Variants in P4HA2 observed in about 807,000 individuals in gnomAD.
The protein encoded by P4HA2 is prolyl 4-hydroxylase subunit alpha 2, also known as prolyl 4-hydroxylase subunit alpha-2.
P4HA2 carries 46 observed loss-of-function variants against 76.9 expected under a neutral mutation model. That is an observed-to-expected ratio of 0.60 (90% CI 0.47 to 0.76). The LOEUF (loss-of-function observed/expected upper bound fraction) is 0.76, where lower values mean the gene tolerates loss of function less well. P4HA2 is among the 30% of genes least tolerant of loss of function. The probability of loss-of-function intolerance (pLI) is 0.00; values close to 1 mark genes in which losing one functional copy is unlikely to be tolerated. For synonymous variants in P4HA2, 243 were observed against 254.0 expected (o/e 0.96, Z 0.41); for missense variants, 583 against 669.4 (o/e 0.87, Z 1.42).
chr5:132,208,443 A>G (rs1346279875), intron 7 of P4HA2, among the ~76,000 whole-genome samples: 59 of 3,638 alleles, frequency 0.016, no homozygotes, highest in South Asian at 0.037. Context: ...GAGAGGGGGG[A>G]ATGGGGGGAG....
Position 132,207,840 on chromosome 5 carries a change from G to A in P4HA2, c.948C>T (p.Gly316=). 1.2e-6 allele frequency: 2 copies of A among 1,605,496 alleles called. No individual in the cohort carries two copies. Among genetic ancestry groups the A allele is most frequent in the Non-Finnish European group, 1.7e-6 (2 of 1,176,056 alleles). ...QKRLFCRYHH[G]NRAPQLLIAP... ...CAATGAGCAGCTGTGGGGCCCTGTT[G>A]CCATGGTGGTACCTACAGAAAAGCC... Residue 316 remains glycine (G), a synonymous_variant, in exon 8 of 15, where the codon GGC becomes GGT. Coordinates refer to ENST00000360568, the MANE Select transcript of P4HA2 (RefSeq NM_001017974.2).
intron 5 of P4HA2, 77 bp downstream of exon 5, chr5:132,213,839 A>G (rs997859860): frequency 2.1e-6 from 3 of 1,429,976 alleles, no homozygotes; most frequent in Non-Finnish European, 1.9e-6. Flanking sequence ...AAAGGCCACA[A>G]GTTGGTGGTG....
At position 132,204,146 on chromosome 5, in the gene P4HA2, G is replaced by A. The variant is rs201861932; in HGVS notation, c.1087C>T (p.Arg363Ter). The change falls in exon 9 of 15, where the codon CGA (arginine) becomes TGA (stop). Residue 363 changes from arginine to a stop codon, truncating the protein, a stop_gained. Transcript: ENST00000360568. LOFTEE classifies it high-confidence loss of function. The part of the protein sequence containing the change: ...IKEIAKPKLA[R>*]ATVRDPKTGV... ...GTCTTGGGATCACGAACGGTGGCTCGTGCAAGCTAGAAGGAAGGAGGAGAG... is the reference window on the plus strand; with the variant it reads ...GTCTTGGGATCACGAACGGTGGCTCATGCAAGCTAGAAGGAAGGAGGAGAG... 50 of 1,612,086 alleles carry A rather than the reference G, an allele frequency of 3.1e-5. No homozygotes were observed. The highest frequency in any genetic ancestry group is 3.8e-5 in the Non-Finnish European group (45 of 1,178,226).
rs888831060 is a variant in P4HA2 at position 132,207,741 on chromosome 5, T to C, written c.1047A>G (p.Glu349=). The change falls in exon 8 of 15, where the codon GAA becomes GAG. Residue 349 remains glutamate (E), a synonymous_variant. Transcript: ENST00000360568. ...VRYYDVMSDE[E]IERIKEIAKP... ...TTGCGATCTCCTTGATCCTCTCGATTTCCTCATCAGACATGACATCGTAGT... is the reference window on the plus strand; with the variant it reads ...TTGCGATCTCCTTGATCCTCTCGATCTCCTCATCAGACATGACATCGTAGT... 14 of 1,613,952 alleles carry C rather than the reference T, an allele frequency of 8.7e-6. No homozygotes were observed. The highest frequency in any genetic ancestry group is 1.2e-5 in the Non-Finnish European group (14 of 1,179,912).
intron 9 of P4HA2, 72 bp downstream of exon 9, chr5:132,204,010 A>C: frequency 7.5e-7 from 1 of 1,328,700 alleles, no homozygotes; most frequent in Non-Finnish European, 1.1e-6. Flanking sequence ...CAAGCCACCC[A>C]TCCCTAGGGT....
In P4HA2 at chr5:132,190,887, A is replaced by G. The variant is rs1749849241; in HGVS notation, c.*2123T>C. The stretch of plus-strand genomic sequence containing the variant: ...AGAAACCTAATAACTAATAAACATG[A>G]AAAGTTGTTCAACATTATCAGTAAT... On this transcript the variant is annotated 3_prime_UTR_variant, in exon 15 of 15. Coordinates refer to ENST00000360568, the MANE Select transcript of P4HA2 (RefSeq NM_001017974.2). 6.6e-6 allele frequency among the ~76,000 whole-genome samples: 1 copy of G among 152,248 alleles called. No homozygotes were observed. Among genetic ancestry groups the G allele is most frequent in the Admixed American group, 6.5e-5 (1 of 15,290 alleles).
Position 132,210,345 on chromosome 5 carries a change from A to C in P4HA2, c.648T>G (p.Ala216=), listed in dbSNP as rs369753157. The C allele has an allele frequency of 2.2e-5, 35 of 1,614,146 alleles. No individual in the cohort carries two copies. Among genetic ancestry groups the C allele is most frequent in the East Asian group, 1.6e-4 (7 of 44,862 alleles). ...GGTGCAGATCACCCAACTGGAAGAC[A>C]GCATAGCTGAGGTAGTCCAGCACCT... The part of the protein sequence containing the change: ...KSQVLDYLSY[A]VFQLGDLHRA... Residue 216 remains alanine, a synonymous_variant, in exon 6 of 15, where the codon GCT becomes GCG. Transcript: ENST00000360568.
chr5:132,193,030 C>T lies in P4HA2; in HGVS notation c.1582G>A (p.Gly528Arg), dbSNP rs376388435. The change falls in exon 15 of 15, where the codon GGA becomes AGA. Residue 528 changes from glycine (G) to arginine (R), a missense_variant. Coordinates refer to ENST00000360568, the MANE Select transcript of P4HA2 (RefSeq NM_001017974.2). ...GGATGTCAGTCAACTTCTGTTGATC[C>T]ACAAGGTCTCAAGAACTCCTGTCCT... ...ERGQEFLRPC[G>R]STEVD The T allele has an allele frequency of 6.2e-6, 10 of 1,611,708 alleles. No homozygotes were observed. Among genetic ancestry groups the T allele is most frequent in the Non-Finnish European group, 8.5e-6 (10 of 1,177,866 alleles).
At chr5:132,194,047 T>C (rs1177764181) in intron 14 of P4HA2, among the ~76,000 whole-genome samples, 1 of 152,196 alleles carries the variant, frequency 6.6e-6, no homozygotes. Context: ...GATAAGATGC[T>C]TATAGTTCTA....
At chr5:132,212,427 GAGA>G (rs1002131937) in intron 5 of P4HA2, among the ~76,000 whole-genome samples, 2 of 152,172 alleles carry the variant, frequency 1.3e-5, no homozygotes, top group African/African-American at 4.8e-5. Flanking sequence ...GAAGACATGA[GAGA>G]AGGAGGTAGA....
chr5:132,205,900 G>A (rs1417427256), intron 8 of P4HA2, among the ~76,000 whole-genome samples: 1 of 152,186 alleles, frequency 6.6e-6, no homozygotes, highest in Non-Finnish European at 1.5e-5. Context: ...GGGAAGCACA[G>A]GGCTATTTTG....
At chr5:132,194,310 C>T (rs1000311058) in intron 14 of P4HA2, among the ~76,000 whole-genome samples, 1 of 152,082 alleles carries the variant, frequency 6.6e-6, no homozygotes, top group Non-Finnish European at 1.5e-5. Flanking sequence ...ATCTGCAAAC[C>T]TATCACTATT....
intron 10 of P4HA2, chr5:132,200,500 T>C (rs1751333541): frequency 6.4e-6 from 1 of 155,854 alleles, no homozygotes. Context: ...TGAGAAAGCA[T>C]ATCTCTTTTT....
intron 12 of P4HA2, among the ~76,000 whole-genome samples, chr5:132,196,163 A>G (rs1392248073): frequency 6.6e-6 from 1 of 152,182 alleles, no homozygotes; most frequent in Non-Finnish European, 1.5e-5. Context: ...TTTTTTGTCC[A>G]TAATTTAATA....
intron 1 of P4HA2, among the ~76,000 whole-genome samples, chr5:132,225,647 G>A (rs982480156): frequency 1.3e-5 from 2 of 152,238 alleles, no homozygotes; most frequent in South Asian, 2.1e-4. Flanking sequence ...CCTCTCTCTC[G>A]TCCCTCATTC....
intron 3 of P4HA2, 163 bp from the exon 4 acceptor site, chr5:132,217,511 C>G (rs557375409): frequency 5.9e-6 from 4 of 675,412 alleles, no homozygotes; most frequent in Non-Finnish European, 1.0e-5. Flanking sequence ...ACTTCTAGCC[C>G]CTTAATCTAG....
chr5:132,198,006 A>T (rs766357574), intron 12 of P4HA2: 240 of 985,250 alleles, frequency 2.4e-4, no homozygotes, highest in Non-Finnish European at 2.9e-4. Flanking sequence ...AGGAATGTTA[A>T]AGTCCTGCTG....
intron 10 of P4HA2, chr5:132,200,923 ACTTT>A (rs1751399761): frequency 6.6e-6 from 1 of 152,250 alleles, no homozygotes; most frequent in African/African-American, 2.4e-5. Context: ...CACCGTACCT[ACTTT>A]CTTTAATACA....
At chr5:132,217,650 T>A in intron 3 of P4HA2, 102 bp downstream of exon 3, 1 of 811,466 alleles carries the variant, frequency 1.2e-6, no homozygotes, top group Non-Finnish European at 2.2e-6. Context: ...CACATCACCC[T>A]CTCAAAGGTT....
Sources: allele counts gnomAD v4.1 joint callset (sites outside exome capture counted in the v4.1 genomes callset), GRCh38; gene constraint gnomAD v4.1.1; transcripts MANE v1.5; gene names NCBI Gene and HGNC (gene_info 2026-07-23, HGNC 2026-07-21).